The following SGSM1 variants were observed in gnomAD, a reference collection of about 807,000 sequenced individuals.
The protein encoded by SGSM1 is RUN and TBC1 domain containing 2.
Under a neutral mutation model 133.8 loss-of-function variants are expected in SGSM1, and 73 were observed. That is an observed-to-expected ratio of 0.55 (90% confidence interval 0.45 to 0.66). SGSM1 has a LOEUF of 0.66. Ranked by LOEUF, SGSM1 falls within the 30% of genes least tolerant of loss-of-function variation. SGSM1 has a pLI of 0.00. For missense variants in SGSM1, 1,213 were observed against 1,448.1 expected (o/e 0.84, Z 2.64); for synonymous variants, 563 against 573.0 (o/e 0.98, Z 0.25).
intron 12 of SGSM1, chr22:24,874,383 C>T (rs1240069895): frequency 3.2e-6 from 5 of 1,582,714 alleles, no homozygotes; most frequent in Non-Finnish European, 4.3e-6. Context: ...AGAACCCCCA[C>T]CTCACTGGTT....
intron 20 of SGSM1, among the ~76,000 whole-genome samples, chr22:24,902,530 T>A (rs1470535409): frequency 6.6e-6 from 1 of 151,998 alleles, no homozygotes; most frequent in African/African-American, 2.4e-5. Context: ...TTTTTTTAAC[T>A]CAACATTTAG....
chr22:24,822,082 C>G (rs1283727512), intron 2 of SGSM1, among the ~76,000 whole-genome samples: 1 of 106,744 alleles, frequency 9.4e-6, no homozygotes, highest in Admixed American at 1.1e-4. Context: ...ACCTGTTCAT[C>G]TCTCTCTTTT....
Position 24,893,423 on chromosome 22 carries a change from C to G in SGSM1, c.1771-8C>G. The G allele has an allele frequency of 6.2e-7, 1 of 1,613,234 alleles. No homozygotes were observed. The highest frequency in any genetic ancestry group is 8.5e-7 in the Non-Finnish European group (1 of 1,179,560). ...ACACCTCGGGTGACATTGCATCTGC[C>G]CTGGCAGGTGGACGAGCAGATTCAT... On this transcript the variant is annotated splice_polypyrimidine_tract_variant and splice_region_variant and intron_variant, in intron 16 of 24. Coordinates refer to ENST00000400358, the MANE Select transcript of SGSM1 (RefSeq NM_001098497.3).
intron 22 of SGSM1, among the ~76,000 whole-genome samples, chr22:24,913,892 C>T (rs910065575): frequency 3.3e-5 from 5 of 151,930 alleles, no homozygotes; most frequent in Non-Finnish European, 5.9e-5. Flanking sequence ...TGCGGTGGCT[C>T]ATGCCTGTAA....
chr22:24,886,652 C>T lies in SGSM1; in HGVS notation c.1694C>T (p.Pro565Leu). The change falls in exon 16 of 25, where the codon CCT becomes CTT. Residue 565 changes from proline (P) to leucine (L), a missense_variant. Coordinates refer to ENST00000400358, the MANE Select transcript of SGSM1 (RefSeq NM_001098497.3). ...CTCATCTACTACGGGGGCATCCAGC[C>T]TGAGATCCGCAAGGCCGTGTGGCCC... ...LRLIYYGGIQ[P>L]EIRKAVWPFL... The T allele has an allele frequency of 6.4e-7, 1 of 1,559,856 alleles. No individual in the cohort carries two copies. Among genetic ancestry groups the T allele is most frequent in the Non-Finnish European group, 8.7e-7 (1 of 1,152,000 alleles).
intron 2 of SGSM1, among the ~76,000 whole-genome samples, chr22:24,820,215 C>T (rs562405899): frequency 5.1e-4 from 77 of 152,228 alleles, no homozygotes; most frequent in African/African-American, 1.8e-3. Flanking sequence ...AGAATGTCCC[C>T]GAGAGAATGC....
chr22:24,857,394 C>A (rs1430316829), intron 8 of SGSM1, among the ~76,000 whole-genome samples: 6 of 119,394 alleles, frequency 5.0e-5, no homozygotes, highest in African/African-American at 2.1e-4. Flanking sequence ...GGCAACAGAG[C>A]GAGACTCTGT....
intron 24 of SGSM1, 85 bp from the exon 25 acceptor site, chr22:24,924,101 C>A: frequency 8.0e-7 from 1 of 1,251,426 alleles, no homozygotes; most frequent in Non-Finnish European, 1.2e-6. Context: ...GGAGATGCCC[C>A]CAGAGAAGCC....
chr22:24,902,245 G>A (rs2123713217), intron 20 of SGSM1, among the ~76,000 whole-genome samples: 1 of 152,340 alleles, frequency 6.6e-6, no homozygotes, highest in African/African-American at 2.4e-5. Context: ...GAGGCTCCAG[G>A]AAGAGCCTCA....
chr22:24,807,429 T>C (rs1927471582), intron 2 of SGSM1, among the ~76,000 whole-genome samples: 1 of 152,060 alleles, frequency 6.6e-6, no homozygotes, highest in Admixed American at 6.6e-5. Flanking sequence ...TGTGTGTATA[T>C]TGTGTGGTGC....
chr22:24,888,430 T>C (rs369353455), intron 16 of SGSM1, among the ~76,000 whole-genome samples: 22 of 152,150 alleles, frequency 1.4e-4, no homozygotes, highest in African/African-American at 3.9e-4. Flanking sequence ...GCATCATTTG[T>C]TGAAAAGATG....
At position 24,832,010 on chromosome 22, in the gene SGSM1, C is replaced by T. The variant is rs1929148028; in HGVS notation, c.64-12887C>T. Among the ~76,000 whole-genome samples, 4 of 152,278 alleles carry T rather than the reference C, an allele frequency of 2.6e-5. No homozygotes were observed. In the East Asian group the frequency reaches 7.7e-4, roughly 29 times the overall value. ...CCACCCAGAGAGTCGGGGCAGCAGA[C>T]GTCTGCAGGGAGGCCCCCCGGAATC... is the stretch of plus-strand genomic sequence containing the variant. On this transcript the variant is annotated intron_variant, in intron 2 of 24. Transcript: ENST00000400358.
At chr22:24,835,498 C>T (rs775941261) in intron 2 of SGSM1, among the ~76,000 whole-genome samples, 13 of 151,772 alleles carry the variant, frequency 8.6e-5, no homozygotes, top group Non-Finnish European at 1.8e-4. Context: ...AATCATGTAG[C>T]GTGGTGGACA....
chr22:24,822,154 G>C (rs185442759), intron 2 of SGSM1, among the ~76,000 whole-genome samples: 1 of 138,100 alleles, frequency 7.2e-6, no homozygotes, highest in Non-Finnish European at 1.5e-5. Flanking sequence ...GCAGTGGCAC[G>C]ATCTCGGCTC....
At chr22:24,821,902 G>A (rs2147795232) in intron 2 of SGSM1, among the ~76,000 whole-genome samples, 1 of 152,096 alleles carries the variant, frequency 6.6e-6, no homozygotes, top group Admixed American at 6.6e-5. Flanking sequence ...CCTTTGTTAG[G>A]ATTAATGAAC....
At chr22:24,840,194 T>G (rs1401249651) in intron 2 of SGSM1, among the ~76,000 whole-genome samples, 1 of 152,154 alleles carries the variant, frequency 6.6e-6, no homozygotes, top group Non-Finnish European at 1.5e-5. Context: ...TCTGCCTGCA[T>G]CAGCCTTCCA....
chr22:24,912,829 T>C, intron 22 of SGSM1, 77 bp downstream of exon 22: 1 of 943,894 alleles, frequency 1.1e-6, no homozygotes. Flanking sequence ...CAGACTGAGC[T>C]ATTTAGAGCC....
intron 10 of SGSM1, 86 bp downstream of exon 10, chr22:24,867,246 G>C: frequency 7.6e-7 from 1 of 1,308,696 alleles, no homozygotes; most frequent in African/African-American, 1.4e-5. Flanking sequence ...TTAGCATCAT[G>C]AGCGAATGAT....
rs1162699034 is a variant in SGSM1, at chr22:24,924,854, C to T, written c.*580C>T. On this transcript the variant is annotated 3_prime_UTR_variant, in exon 25 of 25. Transcript: ENST00000400358. ...GGATGCTGAGCAGCATCCCGGGCCT[C>T]ACCAGATGCCAGTAGTGCCATCCCC... 1 of 153,110 alleles carries T rather than the reference C, an allele frequency of 6.5e-6. No individual in the cohort carries two copies. The highest frequency in any genetic ancestry group is 1.5e-5 in the Non-Finnish European group (1 of 68,786). The allele number at this position is 153,110 out of a possible 1,614,324, so 9.5% of individuals were successfully genotyped here. A position where few individuals can be genotyped will look rare whatever the true frequency, so the allele number is the denominator to read the frequency against.
Sources: allele counts gnomAD v4.1 joint callset (sites outside exome capture counted in the v4.1 genomes callset), GRCh38; gene constraint gnomAD v4.1.1; transcripts MANE v1.5; gene names NCBI Gene and HGNC (gene_info 2026-07-23, HGNC 2026-07-21).